Variants in TUBG1 observed in about 807,000 individuals in gnomAD.
The protein encoded by TUBG1 is tubulin gamma-1 chain.
TUBG1 carries 22 observed loss-of-function variants against 53.3 expected under a neutral mutation model. The ratio of observed to expected loss-of-function variants is 0.41; its 90% CI spans 0.29 to 0.59. The LOEUF (loss-of-function observed/expected upper bound fraction) is 0.59, where lower values mean the gene tolerates loss of function less well. TUBG1 is among the 20% of genes least tolerant of loss of function. The probability of loss-of-function intolerance (pLI) is 0.26; values close to 1 mark genes in which losing one functional copy is unlikely to be tolerated. For synonymous variants in TUBG1, 198 were observed against 236.7 expected (o/e 0.84, Z 1.50); for missense variants, 217 against 598.9 (o/e 0.36, Z 6.66).
Position 42,612,419 on chromosome 17 carries a change from C to G in TUBG1, c.400-8C>G, listed in dbSNP as rs1032224198. The stretch of plus-strand genomic sequence containing the variant: ...TACCTGTACACTGACTGCCCCTTCC[C>G]CATGCAGGGCTTTGTGCTGTGTCAC... On this transcript the variant is annotated splice_polypyrimidine_tract_variant and splice_region_variant and intron_variant, in intron 4 of 10. Transcript: ENST00000251413. 2 of 1,613,730 alleles carry G rather than the reference C, an allele frequency of 1.2e-6. No homozygotes were observed. The highest frequency in any genetic ancestry group is 1.6e-4 in the Middle Eastern group (1 of 6,080).
At chr17:42,613,219 G>T in intron 6 of TUBG1, 146 bp downstream of exon 6, 3 of 1,332,700 alleles carry the variant, frequency 2.3e-6, no homozygotes, top group East Asian at 2.4e-5. Flanking sequence ...GGAGGCCAAG[G>T]TCGTTGGATC....
rs1364064415 is a variant in TUBG1, at chr17:42,610,298, C to T, written c.162+78C>T. On this transcript the variant is annotated intron_variant, in intron 2 of 10. Transcript: ENST00000251413. ...AAGGGAGTGGCCTGGTACTGGGAAC[C>T]CCGCTGGGCAGTAGGGCCAGGCGGC... is the stretch of plus-strand genomic sequence containing the variant. 1.1e-5 allele frequency: 17 copies of T among 1,602,764 alleles called. No homozygotes were observed. In the Admixed American group the frequency reaches 2.7e-4, roughly 25 times the overall value.
chr17:42,612,895 G>A, intron 5 of TUBG1, 52 bp from the exon 6 acceptor site: 1 of 1,607,540 alleles, frequency 6.2e-7, no homozygotes, highest in Non-Finnish European at 8.5e-7. Flanking sequence ...GGAGCGCCAT[G>A]TTCACCAGGC....
At chr17:42,609,864 T>A in intron 1 of TUBG1, 78 bp downstream of exon 1, 2 of 1,505,084 alleles carry the variant, frequency 1.3e-6, no homozygotes, top group Non-Finnish European at 1.8e-6. Context: ...CTGGACTCCA[T>A]CTGTCCTTGC....
At chr17:42,610,005 G>T in intron 1 of TUBG1, 103 bp from the exon 2 acceptor site, 1 of 1,427,002 alleles carries the variant, frequency 7.0e-7, no homozygotes, top group East Asian at 2.4e-5. Context: ...CCTGCGGCTT[G>T]ACTTCTTATC....
At chr17:42,610,399 C>T in intron 2 of TUBG1, 24 bp from the exon 3 acceptor site, 1 of 1,560,638 alleles carries the variant, frequency 6.4e-7, no homozygotes. Flanking sequence ...CTGATTGGGC[C>T]CCCTCCTGGA....
chr17:42,610,398 C>T (rs989051831), intron 2 of TUBG1, 25 bp from the exon 3 acceptor site: 4 of 1,558,634 alleles, frequency 2.6e-6, no homozygotes, highest in East Asian at 2.3e-5. Flanking sequence ...GCTGATTGGG[C>T]CCCCTCCTGG....
chr17:42,610,153 G>C lies in TUBG1; in HGVS notation c.95G>C (p.Ser32Thr), dbSNP rs2052020038. ...CAGCTGTGCGCCGAGCATGGTATCAGCCCCGAGGGCATCGTGGAGGAGTTC... is the reference window on the plus strand; with the variant it reads ...CAGCTGTGCGCCGAGCATGGTATCACCCCCGAGGGCATCGTGGAGGAGTTC... ...WKQLCAEHGI[S>T]PEGIVEEFAT... The change falls in exon 2 of 11, where the codon AGC (serine) becomes ACC (threonine). Residue 32 changes from serine (S) to threonine (T), a missense_variant. This residue lies in a region of TUBG1 where 57 missense variants were observed against 169.3 expected (regional missense o/e 0.34). Transcript: ENST00000251413. 1.2e-6 allele frequency: 2 copies of C among 1,614,160 alleles called. No homozygotes were observed. Among genetic ancestry groups the C allele is most frequent in the Non-Finnish European group, 1.7e-6 (2 of 1,180,052 alleles).
intron 5 of TUBG1, 106 bp downstream of exon 5, chr17:42,612,612 T>C: frequency 2.8e-6 from 3 of 1,087,248 alleles, no homozygotes; most frequent in African/African-American, 1.5e-5. Context: ...GAAAGAGTTC[T>C]TATATTCCCT....
intron 2 of TUBG1, 62 bp downstream of exon 2, chr17:42,610,282 G>A: frequency 1.9e-6 from 3 of 1,610,950 alleles, no homozygotes; most frequent in Non-Finnish European, 1.7e-6. Context: ...GAAGGGAGTG[G>A]CCTGGTACTG....
In TUBG1 at chr17:42,609,765, T is replaced by G; in HGVS notation, c.28T>G (p.Leu10Val). The G allele has an allele frequency of 1.9e-6, 3 of 1,551,510 alleles. No individual in the cohort carries two copies. The highest frequency in any genetic ancestry group is 2.4e-5 in the East Asian group (1 of 40,962). Residue 10 changes from leucine to valine, a missense_variant, in exon 1 of 11, where the codon TTG (leucine) becomes GTG (valine). Physicochemically the swap from Leu to Val is conservative, Grantham distance 32. Transcript: ENST00000251413. ...GCCGAGGGAAATCATCACCCTACAG[T>G]TGGGCCAGTGCGGCAATCAGAGTGA... MPREIITLQ[L>V]GQCGNQIGFE...
chr17:42,610,682 G>C (rs2052024943), intron 3 of TUBG1, 92 bp downstream of exon 3: 7 of 1,573,068 alleles, frequency 4.4e-6, no homozygotes, highest in Non-Finnish European at 6.1e-6. Context: ...GATCAGGGAT[G>C]TATGAATGCT....
rs2052048632 is a variant in TUBG1, at chr17:42,613,057, A to G, written c.590A>G (p.Gln197Arg). 1 of 1,614,018 alleles carries G rather than the reference A, an allele frequency of 6.2e-7. No homozygotes were observed. The highest frequency in any genetic ancestry group is 1.3e-5 in the African/African-American group (1 of 74,916). ...CTCCTCACACTCAAGAGGCTGACGC[A>G]GAATGCAGACTGTGTGGTGAGTCCT... ...NSLLTLKRLT[Q>R]NADCVVVLDN... The change falls in exon 6 of 11, where the codon CAG (glutamine) becomes CGG (arginine). Residue 197 changes from glutamine (Q) to arginine (R), a missense_variant. Gln to Arg is a conservative substitution (Grantham distance 43). Transcript: ENST00000251413.
intron 6 of TUBG1, among the ~76,000 whole-genome samples, 174 bp downstream of exon 6, chr17:42,613,247 C>T (rs549873509): frequency 1.7e-4 from 26 of 152,176 alleles, no homozygotes; most frequent in African/African-American, 6.3e-4. Context: ...TTTAGGAGTT[C>T]GAGACCAGCC....
Position 42,614,685 on chromosome 17 carries a change from C to T in TUBG1, c.1158+28C>T, listed in dbSNP as rs1333761906. On this transcript the variant is annotated intron_variant, in intron 10 of 10. Coordinates refer to ENST00000251413, the MANE Select transcript of TUBG1 (RefSeq NM_001070.5). This position sits in a 1 kb window ranked among gnomAD's most constrained non-coding sequence, Gnocchi z 5.1. The stretch of plus-strand genomic sequence containing the variant: ...GAGTCTCAAAGTTTGCACCTTTTTT[C>T]CCTGAATCAGTTTCCTGACTATACC... The T allele has an allele frequency of 1.2e-6, 2 of 1,612,618 alleles. No individual in the cohort carries two copies. Among genetic ancestry groups the T allele is most frequent in the Admixed American group, 1.7e-5 (1 of 59,876 alleles).
At chr17:42,612,209 G>A (rs920114320) in intron 4 of TUBG1, 66 bp downstream of exon 4, 19 of 1,539,846 alleles carry the variant, frequency 1.2e-5, no homozygotes, top group African/African-American at 9.5e-5. Context: ...CTCTAGAAGC[G>A]ACCTGTTAGG....
intron 3 of TUBG1, 193 bp downstream of exon 3, chr17:42,610,783 C>G (rs1168273477): frequency 9.6e-6 from 7 of 726,608 alleles, no homozygotes; most frequent in South Asian, 9.3e-5. Context: ...ATTCTAAGTG[C>G]TTTACATATA....
chr17:42,612,744 T>G (rs2052046340), intron 5 of TUBG1, among the ~76,000 whole-genome samples: 1 of 152,060 alleles, frequency 6.6e-6, no homozygotes, highest in Admixed American at 6.5e-5. Flanking sequence ...AGGTCTCAAT[T>G]TGGAAGCCCA....
Position 42,610,205 on chromosome 17 carries a change from C to T in TUBG1, c.147C>T (p.Asp49=), listed in dbSNP as rs767142218. The part of the protein sequence containing the change: ...EFATEGTDRK[D]VFFYQADDEH... ...CCACCGAGGGCACTGACCGCAAGGA[C>T]GTCTTTTTCTACCAGGTGCCCCCAG... Residue 49 remains aspartate (D), a synonymous_variant, in exon 2 of 11, where the codon GAC becomes GAT. Transcript: ENST00000251413. 1.2e-6 allele frequency: 2 copies of T among 1,614,288 alleles called. No individual in the cohort carries two copies. Among genetic ancestry groups the T allele is most frequent in the Non-Finnish European group, 1.7e-6 (2 of 1,180,058 alleles).
Sources: gnomAD v4.1 joint callset for allele counts (sites outside exome capture counted in the v4.1 genomes callset) on GRCh38, gnomAD v4.1.1 for gene constraint, gnomAD v4.1.1 regional missense constraint, Gnocchi (gnomAD v3.1) non-coding constraint, MANE v1.5 for transcripts, NCBI Gene and HGNC (gene_info 2026-07-23, HGNC 2026-07-21) for gene names.